The following SDK2 variants were observed in gnomAD, a reference collection of about 807,000 sequenced individuals.
SDK2 encodes protein sidekick-2.
A neutral mutation model predicts 253.9 loss-of-function variants in SDK2; 105 were observed. The observed-to-expected ratio is 0.41, with a 90% CI of 0.35 to 0.49. The LOEUF is 0.49. SDK2 is among the 20% of genes least tolerant of loss of function. The probability of loss-of-function intolerance (pLI) is 0.06; values close to 1 mark genes in which losing one functional copy is unlikely to be tolerated. For missense variants in SDK2, 2,608 were observed against 3,003.0 expected (o/e 0.87, Z 3.07); for synonymous variants, 1,249 against 1,234.9 (o/e 1.01, Z -0.24).
At chr17:73,409,634 A>C (rs2063109092) in intron 18 of SDK2, among the ~76,000 whole-genome samples, 1 of 151,998 alleles carries the variant, frequency 6.6e-6, no homozygotes, top group South Asian at 2.1e-4. Flanking sequence ...CCATCTCAAA[A>C]AAAAGGAAGA....
At chr17:73,389,358 A>G in intron 29 of SDK2, among the ~76,000 whole-genome samples, 1 of 151,292 alleles carries the variant, frequency 6.6e-6, no homozygotes, top group East Asian at 2.0e-4. Flanking sequence ...TAATTTTTGT[A>G]TTTTTAGTAG....
intron 16 of SDK2, among the ~76,000 whole-genome samples, chr17:73,418,728 T>C (rs2063203462): frequency 6.6e-6 from 1 of 152,210 alleles, no homozygotes; most frequent in South Asian, 2.1e-4. Context: ...AGGGTCTGTA[T>C]AACTGGGCTT....
chr17:73,340,027 T>C (rs528636961), intron 44 of SDK2, among the ~76,000 whole-genome samples: 1 of 152,202 alleles, frequency 6.6e-6, no homozygotes, highest in South Asian at 2.1e-4. Flanking sequence ...CCTGCCACCA[T>C]GCCTGGCTAA....
chr17:73,636,023 C>T (rs1312550152), intron 1 of SDK2, among the ~76,000 whole-genome samples: 1 of 152,206 alleles, frequency 6.6e-6, no homozygotes, highest in African/African-American at 2.4e-5. Flanking sequence ...CTCTACACCC[C>T]TCCCTGGACC....
chr17:73,391,580 C>T (rs930777855), intron 27 of SDK2, 42 bp from the exon 28 acceptor site: 12 of 1,135,468 alleles, frequency 1.1e-5, no homozygotes, highest in African/African-American at 3.2e-5. Context: ...ATGAGGCTGC[C>T]GCTCAGCTGG....
At chr17:73,401,416 G>A (rs1372733756) in intron 20 of SDK2, among the ~76,000 whole-genome samples, 1 of 152,110 alleles carries the variant, frequency 6.6e-6, no homozygotes, top group African/African-American at 2.4e-5. Flanking sequence ...GGAATTGCAG[G>A]GGACATAGTG....
At chr17:73,565,314 G>A (rs937353203) in intron 1 of SDK2, among the ~76,000 whole-genome samples, 3 of 152,226 alleles carry the variant, frequency 2.0e-5, no homozygotes, top group African/African-American at 7.2e-5. Flanking sequence ...GCAAAGGCTA[G>A]AGGGACTGAA....
intron 36 of SDK2, among the ~76,000 whole-genome samples, chr17:73,374,666 T>C (rs8071534): frequency 0.083 from 11,537 of 139,756 alleles, 1,056 homozygotes; most frequent in East Asian, 0.21. Context: ...TGCGGTTTCG[T>C]CATGTTGGCC....
rs1478792590 is a variant in SDK2 at position 73,455,981 on chromosome 17, G to A, written c.404C>T (p.Pro135Leu). Residue 135 changes from proline to leucine, a missense_variant, in exon 4 of 45, where the codon CCG becomes CTG. Transcript: ENST00000392650. The surrounding 1 kb of genome is among the most constrained non-coding windows in gnomAD (Gnocchi z 5.0). The stretch of plus-strand genomic sequence containing the variant: ...TGGCTGGGGGAAGCTGGCGATGCGC[G>A]GGGCACGGATGACAGCTGCTTCTCC... Reference protein sequence around the residue: ...SHGEAAVIRAPRIASFPQPQV... With the variant: ...SHGEAAVIRALRIASFPQPQV... 3.8e-5 allele frequency: 59 copies of A among 1,548,180 alleles called. No homozygotes were observed. Among genetic ancestry groups the A allele is most frequent in the Non-Finnish European group, 4.4e-5 (50 of 1,145,818 alleles).
rs558338400 is a variant in SDK2, at chr17:73,632,224, G to A, written c.64+11801C>T. ...GGTTCTTGGGTGTGTCTATGAGGGT[G>A]TTGCCAAAGGAGAGTAACATTTATG... On this transcript the variant is annotated intron_variant, in intron 1 of 44. Transcript: ENST00000392650. Among the ~76,000 whole-genome samples, 3 of 152,362 alleles carry A rather than the reference G, an allele frequency of 2.0e-5. No homozygotes were observed. In the South Asian group the frequency reaches 6.2e-4, roughly 32 times the overall value.
intron 5 of SDK2, among the ~76,000 whole-genome samples, chr17:73,446,700 G>A (rs1430516141): frequency 1.3e-5 from 2 of 152,206 alleles, no homozygotes; most frequent in Non-Finnish European, 2.9e-5. Flanking sequence ...TACTTTGGGA[G>A]CAGGAGTTGT....
At chr17:73,478,125 T>C (rs1005451633) in intron 2 of SDK2, among the ~76,000 whole-genome samples, 2 of 152,188 alleles carry the variant, frequency 1.3e-5, no homozygotes, top group African/African-American at 4.8e-5. Flanking sequence ...GTCATTAGTT[T>C]CCTGAGTGTC....
intron 12 of SDK2, among the ~76,000 whole-genome samples, chr17:73,426,033 C>T (rs2063278949): frequency 6.6e-6 from 1 of 151,606 alleles, no homozygotes; most frequent in African/African-American, 2.4e-5. Flanking sequence ...TTCAGCCATC[C>T]TATTTTTATA....
intron 24 of SDK2, 82 bp downstream of exon 24, chr17:73,397,953 G>C: frequency 6.9e-7 from 1 of 1,455,900 alleles, no homozygotes; most frequent in Non-Finnish European, 9.4e-7. Context: ...AGGAGCTGTA[G>C]GAATTCTGAT....
intron 38 of SDK2, among the ~76,000 whole-genome samples, chr17:73,363,945 C>T (rs916515232): frequency 3.9e-5 from 6 of 152,026 alleles, no homozygotes; most frequent in African/African-American, 9.7e-5. Context: ...GCTGCTGGCA[C>T]CCAGGTGGTA....
At chr17:73,424,845 C>T (rs1264769476) in intron 12 of SDK2, among the ~76,000 whole-genome samples, 1 of 152,208 alleles carries the variant, frequency 6.6e-6, no homozygotes, top group East Asian at 1.9e-4. Context: ...GCCTGAGCTG[C>T]TGGCTCCCAG....
chr17:73,422,176 G>A, intron 15 of SDK2, 111 bp downstream of exon 15: 1 of 1,212,028 alleles, frequency 8.3e-7, no homozygotes, highest in East Asian at 2.5e-5. Context: ...AGAGGCGGAA[G>A]CCTAGAGGGG....
Position 73,379,370 on chromosome 17 carries a change from C to T in SDK2, c.4864+78G>A. On this transcript the variant is annotated intron_variant, in intron 35 of 44. Coordinates refer to ENST00000392650, the MANE Select transcript of SDK2 (RefSeq NM_001144952.2). The surrounding 1 kb of genome is among the most constrained non-coding windows in gnomAD (Gnocchi z 4.5). ...GGTGGGCTGGGCGGGATGGGGAGCC[C>T]AGATCCCGTTTCTTCCAGCTGAACT... 1.3e-6 allele frequency: 2 copies of T among 1,493,264 alleles called. No homozygotes were observed. Among genetic ancestry groups the T allele is most frequent in the Non-Finnish European group, 1.8e-6 (2 of 1,087,988 alleles). The allele number at this position is 1,493,264 out of a possible 1,614,324, so 92.5% of individuals were successfully genotyped here. A position where few individuals can be genotyped will look rare whatever the true frequency, so the allele number is the denominator to read the frequency against.
chr17:73,371,858 G>T (rs1272847523), intron 36 of SDK2, among the ~76,000 whole-genome samples: 2 of 152,038 alleles, frequency 1.3e-5, no homozygotes, highest in Non-Finnish European at 2.9e-5. Flanking sequence ...TACTCAGGAG[G>T]CTGAGGCAGG....
Sources: gnomAD v4.1 joint callset for allele counts (sites outside exome capture counted in the v4.1 genomes callset) on GRCh38, gnomAD v4.1.1 for gene constraint, Gnocchi (gnomAD v3.1) non-coding constraint, MANE v1.5 for transcripts, NCBI Gene and HGNC (gene_info 2026-07-23, HGNC 2026-07-21) for gene names.